The following BBS9 variants were observed in gnomAD, a reference collection of about 807,000 sequenced individuals.
The protein encoded by BBS9 is Bardet-Biedl syndrome 9, also known as protein PTHB1.
In BBS9, 89 loss-of-function variants were observed where a neutral mutation model predicts 117.7. That is an observed-to-expected ratio of 0.76 (90% confidence interval 0.64 to 0.90). BBS9 has a LOEUF of 0.90. Among genes scored for constraint, BBS9 ranks in the 40% least tolerant of loss-of-function variants. BBS9 has a pLI of 0.00. For synonymous variants in BBS9, 379 were observed against 370.9 expected, an observed-to-expected ratio of 1.02 and a Z score of -0.25; for missense variants, 982 against 1,042.2, an observed-to-expected ratio of 0.94 and a Z score of 0.80.
At chr7:33,264,520 A>G in intron 7 of BBS9, 146 bp downstream of exon 7, 1 of 500,578 alleles carries the variant, frequency 2.0e-6, no homozygotes, top group African/African-American at 2.0e-5. Context: ...ATGACCTAAG[A>G]ATTGAGTTGG....
chr7:33,494,342 G>C (rs1844432742), intron 19 of BBS9, among the ~76,000 whole-genome samples: 3 of 152,184 alleles, frequency 2.0e-5, no homozygotes, highest in African/African-American at 7.2e-5. Context: ...CTGCTCTAGA[G>C]TGCACTTAAA....
intron 5 of BBS9, among the ~76,000 whole-genome samples, chr7:33,196,472 G>C (rs1386178334): frequency 6.6e-6 from 1 of 152,128 alleles, no homozygotes; most frequent in Admixed American, 6.5e-5. Context: ...TGCTTTTTTT[G>C]TGTGGGGGTG....
Position 33,374,901 on chromosome 7 carries a change from C to CAAA in BBS9, c.1789+7059_1789+7061dup, listed in dbSNP as rs954530141. The stretch of plus-strand genomic sequence containing the variant: ...GGGCGACAAGAGTGAAACTCCGTCT[C>CAAA]AAAAAAAAAAAAAAAAAAAAAACCT... On this transcript the variant is annotated intron_variant, in intron 17 of 22. Transcript: ENST00000242067. 2.8e-3 allele frequency among the ~76,000 whole-genome samples: 178 copies of CAAA among 64,016 alleles called. 2 individuals are homozygous for CAAA. Among genetic ancestry groups the CAAA allele is most frequent in the Non-Finnish European group, 3.4e-3 (109 of 32,462 alleles). 42.0% of individuals were successfully genotyped at this position (64,016 alleles called of 152,430 possible).
rs113326046 is a variant in BBS9 at position 33,463,930 on chromosome 7, G to A, written c.2116-41533G>A. 9.0e-3 allele frequency among the ~76,000 whole-genome samples: 1,369 copies of A among 152,072 alleles called. 23 individuals are homozygous for A. Among genetic ancestry groups the A allele is most frequent in the South Asian group, 0.045 (215 of 4,814 alleles). On this transcript the variant is annotated intron_variant, in intron 19 of 22. Coordinates refer to ENST00000242067, the MANE Select transcript of BBS9 (RefSeq NM_198428.3). ...TAATATTTTTCTGGATGTATCCATTGCCTGTTGTTCAGTGAGGTAGACAAA... is the reference window on the plus strand; with the variant it reads ...TAATATTTTTCTGGATGTATCCATTACCTGTTGTTCAGTGAGGTAGACAAA...
At chr7:33,535,238 C>T (rs982612690) in intron 21 of BBS9, among the ~76,000 whole-genome samples, 1 of 152,106 alleles carries the variant, frequency 6.6e-6, no homozygotes, top group Non-Finnish European at 1.5e-5. Flanking sequence ...TTCATGTCTT[C>T]CTAAAAAAAT....
intron 19 of BBS9, among the ~76,000 whole-genome samples, chr7:33,501,385 T>C (rs59534769): frequency 0.11 from 16,513 of 152,200 alleles, 1,529 homozygotes; most frequent in African/African-American, 0.25. Context: ...TTGGGGGTAA[T>C]TTACATAAGG....
chr7:33,480,267 A>G (rs1344845910), intron 19 of BBS9, among the ~76,000 whole-genome samples: 3 of 152,238 alleles, frequency 2.0e-5, no homozygotes, highest in Non-Finnish European at 4.4e-5. Flanking sequence ...TGTTAACAAC[A>G]GCAGCAGCAG....
At chr7:33,486,685 CTTCTTCTTGTTA>C (rs1414643147) in intron 19 of BBS9, among the ~76,000 whole-genome samples, 5 of 152,270 alleles carry the variant, frequency 3.3e-5, no homozygotes, top group African/African-American at 1.2e-4. Context: ...AAGTCAGCTT[CTTCTTCTTGTTA>C]GTGTTGTTGT....
At chr7:33,259,340 C>T (rs77320759) in intron 6 of BBS9, among the ~76,000 whole-genome samples, 39 of 152,112 alleles carry the variant, frequency 2.6e-4, no homozygotes, top group African/African-American at 8.5e-4. Context: ...CTTCAGTGTA[C>T]GTAGGAGTCA....
At chr7:33,434,431 C>G (rs545420140) in intron 19 of BBS9, among the ~76,000 whole-genome samples, 17 of 152,016 alleles carry the variant, frequency 1.1e-4, no homozygotes, top group Non-Finnish European at 2.4e-4. Flanking sequence ...CAATAGATAG[C>G]CTTCTAGTGC....
At chr7:33,525,491 A>G (rs1423172616) in intron 20 of BBS9, among the ~76,000 whole-genome samples, 20 of 97,904 alleles carry the variant, frequency 2.0e-4, no homozygotes, top group African/African-American at 6.9e-4. Flanking sequence ...TGATCCCTTT[A>G]CCATTATGTA....
At chr7:33,363,434 C>T (rs1438412816) in intron 16 of BBS9, among the ~76,000 whole-genome samples, 1 of 152,172 alleles carries the variant, frequency 6.6e-6, no homozygotes, top group Non-Finnish European at 1.5e-5. Context: ...AATCTTGTAT[C>T]ATGCAACATT....
chr7:33,175,193 A>T lies in BBS9; in HGVS notation c.329-2285A>T, dbSNP rs143602773. On this transcript the variant is annotated intron_variant, in intron 4 of 22. Transcript: ENST00000242067. Reference sequence around the variant, plus strand: ...GTGGCAGGTGCCTGTAATCCCAGCTACTCAGGAGGCTGAGGCAAGAGAATT... The same window carrying T: ...GTGGCAGGTGCCTGTAATCCCAGCTTCTCAGGAGGCTGAGGCAAGAGAATT... Among the ~76,000 whole-genome samples, 3,308 of 152,136 alleles carry T rather than the reference A, an allele frequency of 0.022. 235 individuals carry two copies. In the East Asian group the frequency reaches 0.28, roughly 13 times the overall value.
chr7:33,367,711 A>G (rs974155884), intron 16 of BBS9, 56 bp from the exon 17 acceptor site: 10 of 1,463,404 alleles, frequency 6.8e-6, no homozygotes, highest in Non-Finnish European at 6.7e-6. Context: ...TCCTATTTCA[A>G]ATGTGTTCAT....
chr7:33,338,199 GT>G (rs1185985432), intron 10 of BBS9, among the ~76,000 whole-genome samples: 9 of 151,832 alleles, frequency 5.9e-5, no homozygotes, highest in Non-Finnish European at 1.3e-4. Context: ...CCATCATTTA[GT>G]TTTATTTCTG....
chr7:33,166,995 T>C (rs549715383), intron 4 of BBS9, among the ~76,000 whole-genome samples: 18 of 152,216 alleles, frequency 1.2e-4, no homozygotes, highest in African/African-American at 4.3e-4. Context: ...ATCAGAGCTG[T>C]TCCTATGTGA....
chr7:33,531,756 G>C (rs1263389038), intron 20 of BBS9, among the ~76,000 whole-genome samples: 1 of 152,170 alleles, frequency 6.6e-6, no homozygotes, highest in Non-Finnish European at 1.5e-5. Context: ...CTCAGTGCGG[G>C]AATAGTTTTC....
At chr7:33,427,671 C>T (rs1433675605) in intron 19 of BBS9, among the ~76,000 whole-genome samples, 1 of 152,134 alleles carries the variant, frequency 6.6e-6, no homozygotes, top group African/African-American at 2.4e-5. Flanking sequence ...CTCTGCTTGG[C>T]AGTTTACACG....
At chr7:33,363,338 G>C (rs953963128) in intron 16 of BBS9, among the ~76,000 whole-genome samples, 12 of 152,072 alleles carry the variant, frequency 7.9e-5, no homozygotes, top group African/African-American at 2.9e-4. Flanking sequence ...CCTGACCTCA[G>C]GTGATCCACC....
Sources: gnomAD v4.1 joint callset for allele counts (sites outside exome capture counted in the v4.1 genomes callset) on GRCh38, gnomAD v4.1.1 for gene constraint, MANE v1.5 for transcripts, NCBI Gene and HGNC (gene_info 2026-07-23, HGNC 2026-07-21) for gene names.